The following TMEM41A variants were observed in gnomAD, a reference collection of about 807,000 sequenced individuals.
TMEM41A encodes transmembrane protein 41A.
TMEM41A carries 20 observed loss-of-function variants against 25.7 expected under a neutral mutation model. The ratio of observed to expected loss-of-function variants is 0.78; its 90% confidence interval spans 0.55 to 1.13. TMEM41A has a LOEUF of 1.13. Ranked by LOEUF, TMEM41A falls within the 50% of genes most tolerant of loss-of-function variation. TMEM41A has a pLI of 0.00. For missense variants in TMEM41A, 299 were observed against 314.3 expected (o/e 0.95, Z 0.37); for synonymous variants, 133 against 139.6 (o/e 0.95, Z 0.33).
At position 185,494,623 on chromosome 3, in the gene TMEM41A, C is replaced by T. The variant is rs146903551; in HGVS notation, c.574G>A (p.Gly192Ser). The change falls in exon 4 of 5, where the codon GGT (glycine) becomes AGT (serine). Residue 192 changes from glycine (G) to serine (S), a missense_variant and splice_region_variant. Transcript: ENST00000421852. Reference sequence around the variant, plus strand: ...CAAACCTACCCCACTAGCATCTTACCGATAAGAACTGAGAAGAAGAACTGC... The same window carrying T: ...CAAACCTACCCCACTAGCATCTTACTGATAAGAACTGAGAAGAAGAACTGC... The part of the protein sequence containing the change: ...IVQFFFSVLI[G>S]LIPYNFICVQ... 6.9e-6 allele frequency: 11 copies of T among 1,590,294 alleles called. No homozygotes were observed. The highest frequency in any genetic ancestry group is 4.1e-5 in the African/African-American group (3 of 73,500).
chr3:185,496,264 T>C (rs1577651739), intron 2 of TMEM41A: 1 of 166,932 alleles, frequency 6.0e-6, no homozygotes, highest in East Asian at 1.6e-4. Flanking sequence ...GTTAAGTGCT[T>C]GACTACATGT....
chr3:185,495,933 G>T (rs1250907418), intron 2 of TMEM41A: 1 of 152,980 alleles, frequency 6.5e-6, no homozygotes, highest in Non-Finnish European at 1.5e-5. Flanking sequence ...TGAAACTCAC[G>T]AGTTATTTTT....
intron 2 of TMEM41A, 197 bp downstream of exon 2, chr3:185,496,631 A>G (rs534232143): frequency 2.6e-5 from 17 of 654,580 alleles, no homozygotes; most frequent in African/African-American, 2.3e-4. Flanking sequence ...AGAGGGAAGC[A>G]GTACAAAAGG....
In TMEM41A at chr3:185,494,691, C is replaced by G. The variant is rs781005363; in HGVS notation, c.506G>C (p.Trp169Ser). The change falls in exon 4 of 5, where the codon TGG (tryptophan) becomes TCG (serine). Residue 169 changes from tryptophan (W) to serine (S), a missense_variant. Trp to Ser is a radical substitution (Grantham distance 177). Coordinates refer to ENST00000421852, the MANE Select transcript of TMEM41A (RefSeq NM_080652.4). The part of the protein sequence containing the change: ...FLRLFPMTPN[W>S]FLNLSAPILN... ...AATTGGGGCCGAGAGGTTCAAGAACCAGTTTGGTGTCATGGGGAAAAGTCT... is the reference window on the plus strand; with the variant it reads ...AATTGGGGCCGAGAGGTTCAAGAACGAGTTTGGTGTCATGGGGAAAAGTCT... 1 of 1,612,554 alleles carries G rather than the reference C, an allele frequency of 6.2e-7. No individual in the cohort carries two copies. Among genetic ancestry groups the G allele is most frequent in the Admixed American group, 1.7e-5 (1 of 59,808 alleles).
chr3:185,491,536 A>G lies in TMEM41A; in HGVS notation c.*1T>C. ...GGGATGTGGCAAACAGAAAATCCAG[A>G]TCATGTGTCTTTTCTACTGTGTATA... On this transcript the variant is annotated 3_prime_UTR_variant, in exon 5 of 5. Transcript: ENST00000421852. 6.2e-7 allele frequency: 1 copy of G among 1,612,684 alleles called. No homozygotes were observed. Among genetic ancestry groups the G allele is most frequent in the Non-Finnish European group, 8.5e-7 (1 of 1,178,982 alleles).
chr3:185,498,039 C>T (rs1187907100), intron 1 of TMEM41A, among the ~76,000 whole-genome samples: 1 of 151,768 alleles, frequency 6.6e-6, no homozygotes, highest in Non-Finnish European at 1.5e-5. Context: ...GGCGGATTAC[C>T]TGAGGTCAGG....
intron 4 of TMEM41A, among the ~76,000 whole-genome samples, chr3:185,492,072 G>A (rs977523312): frequency 2.6e-5 from 4 of 152,084 alleles, no homozygotes; most frequent in African/African-American, 9.7e-5. Context: ...TTGGGAGGCC[G>A]AGGTGGATCA....
chr3:185,498,889 G>A lies in TMEM41A; in HGVS notation c.73C>T (p.Leu25=), dbSNP rs769921269. 20 of 1,606,424 alleles carry A rather than the reference G, an allele frequency of 1.2e-5. No homozygotes were observed. The highest frequency in any genetic ancestry group is 1.7e-5 in the Non-Finnish European group (20 of 1,177,262). ...TFALYLLSTR[L]PRGRRLGSTE... Reference sequence around the variant, plus strand: ...GAGCCCAGTCTCCGCCCGCGGGGCAGTCGCGTCGACAGCAAGTACAAGGCG... The same window carrying A: ...GAGCCCAGTCTCCGCCCGCGGGGCAATCGCGTCGACAGCAAGTACAAGGCG... Residue 25 remains leucine (L), a synonymous_variant, in exon 1 of 5, where the codon CTG becomes TTG. Coordinates refer to ENST00000421852, the MANE Select transcript of TMEM41A (RefSeq NM_080652.4).
chr3:185,496,699 T>C, intron 2 of TMEM41A, 129 bp downstream of exon 2: 2 of 1,217,052 alleles, frequency 1.6e-6, no homozygotes, highest in Non-Finnish European at 2.3e-6. Flanking sequence ...TGAGGGCCAC[T>C]GTGTGCCAGC....
chr3:185,498,564 C>T (rs1481498756), intron 1 of TMEM41A: 2 of 343,706 alleles, frequency 5.8e-6, no homozygotes, highest in Non-Finnish European at 1.1e-5. Flanking sequence ...TCGGCAAATC[C>T]ACCCAACCAA....
chr3:185,494,733 A>C lies in TMEM41A; in HGVS notation c.464T>G (p.Phe155Cys). 1.2e-6 allele frequency: 2 copies of C among 1,612,110 alleles called. No homozygotes were observed. Among genetic ancestry groups the C allele is most frequent in the Non-Finnish European group, 1.7e-6 (2 of 1,179,478 alleles). Reference sequence around the variant, plus strand: ...GAAAAGTCTCAAAAACAATAAGAAAAAAAACAAGCTGTTTCTGTTCTCCTC... The same window carrying C: ...GAAAAGTCTCAAAAACAATAAGAAACAAAACAAGCTGTTTCTGTTCTCCTC... ...KVEENRNSLF[F>C]FLLFLRLFPM... Residue 155 changes from phenylalanine (F) to cysteine (C), a missense_variant, in exon 4 of 5, where the codon TTT (phenylalanine) becomes TGT (cysteine). By Grantham distance (205) the Phe-to-Cys change is radical. Coordinates refer to ENST00000421852, the MANE Select transcript of TMEM41A (RefSeq NM_080652.4).
chr3:185,492,683 G>C (rs1238919877), intron 4 of TMEM41A: 1 of 152,138 alleles, frequency 6.6e-6, no homozygotes, highest in Non-Finnish European at 1.5e-5. Context: ...TAGTGCCCAG[G>C]AACCTGTATT....
chr3:185,498,203 T>G (rs547931267), intron 1 of TMEM41A, among the ~76,000 whole-genome samples: 2 of 140,400 alleles, frequency 1.4e-5, no homozygotes, highest in South Asian at 4.5e-4. Flanking sequence ...AGGAGGAGGT[T>G]AAAGTGAGCC....
chr3:185,497,932 T>G (rs1183223271), intron 1 of TMEM41A, among the ~76,000 whole-genome samples: 1 of 152,204 alleles, frequency 6.6e-6, no homozygotes, highest in Non-Finnish European at 1.5e-5. Flanking sequence ...AGTATTGCTC[T>G]GCCTCCTGCC....
Position 185,499,029 on chromosome 3 carries a change from G to C in TMEM41A, c.-68C>G. 1 of 1,390,750 alleles carries C rather than the reference G, an allele frequency of 7.2e-7. No individual in the cohort carries two copies. Among genetic ancestry groups the C allele is most frequent in the Non-Finnish European group, 9.9e-7 (1 of 1,014,834 alleles). The allele number at this position is 1,390,750 out of a possible 1,614,324, so 86.2% of individuals were successfully genotyped here. The stretch of plus-strand genomic sequence containing the variant: ...CTTGCACTCCGGGACGCAGCGGCGG[G>C]CGGACTGAGCCCGCGGAGCACGTTC... On this transcript the variant is annotated 5_prime_UTR_variant, in exon 1 of 5. Coordinates refer to ENST00000421852, the MANE Select transcript of TMEM41A (RefSeq NM_080652.4).
intron 4 of TMEM41A, chr3:185,493,037 A>G (rs780298993): frequency 1.3e-5 from 2 of 152,186 alleles, no homozygotes; most frequent in Non-Finnish European, 2.9e-5. Context: ...GCTCAACCAC[A>G]GATTTGCTCT....
chr3:185,496,959 G>T lies in TMEM41A; in HGVS notation c.142C>A (p.Leu48Met). 1 of 1,598,110 alleles carries T rather than the reference G, an allele frequency of 6.3e-7. No homozygotes were observed. The highest frequency in any genetic ancestry group is 8.5e-7 in the Non-Finnish European group (1 of 1,173,740). Reference sequence around the variant, plus strand: ...TCAGAGAGCTCCCGCAGCTCTGCCAGGTCGGAGGGGAACCACAGCGACCTG... The same window carrying T: ...TCAGAGAGCTCCCGCAGCTCTGCCATGTCGGAGGGGAACCACAGCGACCTG... Reference protein sequence around the residue: ...GGRSLWFPSDLAELRELSEVL... With the variant: ...GGRSLWFPSDMAELRELSEVL... Residue 48 changes from leucine to methionine, a missense_variant, in exon 2 of 5, where the codon CTG (leucine) becomes ATG (methionine). Transcript: ENST00000421852.
At position 185,491,518 on chromosome 3, in the gene TMEM41A, G is replaced by T. The variant is rs1718951414; in HGVS notation, c.*19C>A. 1 of 1,600,608 alleles carries T rather than the reference G, an allele frequency of 6.2e-7. No homozygotes were observed. The highest frequency in any genetic ancestry group is 8.6e-7 in the Non-Finnish European group (1 of 1,169,190). Reference sequence around the variant, plus strand: ...AATAAGCAACTGAGTCCAGGGATGTGGCAAACAGAAAATCCAGATCATGTG... The same window carrying T: ...AATAAGCAACTGAGTCCAGGGATGTTGCAAACAGAAAATCCAGATCATGTG... On this transcript the variant is annotated 3_prime_UTR_variant, in exon 5 of 5. Coordinates refer to ENST00000421852, the MANE Select transcript of TMEM41A (RefSeq NM_080652.4).
rs73885723 is a variant in TMEM41A, at chr3:185,491,440, T to C, written c.*97A>G. On this transcript the variant is annotated 3_prime_UTR_variant, in exon 5 of 5. Transcript: ENST00000421852. ...TGATGCACAGTGTCCACATCACCTATAGAAGGCAATCAAAAACAATGAGGG... is the reference window on the plus strand; with the variant it reads ...TGATGCACAGTGTCCACATCACCTACAGAAGGCAATCAAAAACAATGAGGG... The C allele has an allele frequency of 1.4e-3, 1,287 of 904,520 alleles. 12 individuals carry two copies. The African/African-American group carries it at 0.019, about 13-fold the overall frequency. The allele number at this position is 904,520 out of a possible 1,614,324, so 56.0% of individuals were successfully genotyped here.
Sources: gnomAD v4.1 joint callset for allele counts (sites outside exome capture counted in the v4.1 genomes callset) on GRCh38, gnomAD v4.1.1 for gene constraint, MANE v1.5 for transcripts, NCBI Gene and HGNC (gene_info 2026-07-23, HGNC 2026-07-21) for gene names.